Variants in NPAT observed in about 807,000 individuals in gnomAD.
The protein encoded by NPAT is nuclear protein, coactivator of histone transcription.
A neutral mutation model predicts 130.7 loss-of-function variants in NPAT; 52 were observed. That is an observed-to-expected ratio of 0.40 (90% CI 0.32 to 0.50). NPAT has a LOEUF of 0.50. NPAT is among the 20% of genes least tolerant of loss of function. NPAT has a pLI of 0.68. For synonymous variants in NPAT, 580 were observed against 584.8 expected (o/e 0.99, Z 0.12); for missense variants, 1,687 against 1,662.6 (o/e 1.01, Z -0.26).
intron 13 of NPAT, 65 bp downstream of exon 13, chr11:108,172,134 T>A (rs763517192): frequency 7.3e-7 from 1 of 1,377,690 alleles, no homozygotes. Flanking sequence ...GTCAATAACA[T>A]CACATACAAA....
intron 17 of NPAT, among the ~76,000 whole-genome samples, chr11:108,159,847 T>TAA (rs113946560): frequency 2.3e-5 from 3 of 132,250 alleles, no homozygotes; most frequent in East Asian, 4.4e-4. Context: ...ACTGTCTCTA[T>TAA]AAAAAAAAAA....
Position 108,158,577 on chromosome 11 carries a change from A to C in NPAT, c.*365T>G, listed in dbSNP as rs910922093. 1.2e-5 allele frequency: 2 copies of C among 171,536 alleles called. No individual in the cohort carries two copies. The highest frequency in any genetic ancestry group is 4.8e-5 in the African/African-American group (2 of 41,648). The allele number at this position is 171,536 out of a possible 1,614,324, so 10.6% of individuals were successfully genotyped here. On this transcript the variant is annotated 3_prime_UTR_variant, in exon 18 of 18. Transcript: ENST00000278612. ...AGTGAGAAACTATTCCAGATGAGTAAGTCTCAGAATTAGGGATCATAAGAA... is the reference window on the plus strand; with the variant it reads ...AGTGAGAAACTATTCCAGATGAGTACGTCTCAGAATTAGGGATCATAAGAA...
chr11:108,169,744 C>A lies in NPAT; in HGVS notation c.3010G>T (p.Gly1004Ter). Reference protein sequence around the residue: ...AQGLRNKPCIGKQVNNLVDSS... With the variant: ...AQGLRNKPCI ...ACATTAATGAAATTAAAAATGGTACCTATACAAGGCTTGTTTCTTAGTCCC... is the reference window on the plus strand; with the variant it reads ...ACATTAATGAAATTAAAAATGGTACATATACAAGGCTTGTTTCTTAGTCCC... Residue 1004 changes from glycine to a stop codon, truncating the protein, a stop_gained and splice_region_variant, in exon 15 of 18, where the codon GGA becomes TGA. Transcript: ENST00000278612. LOFTEE classifies it high-confidence loss of function. 6.3e-7 allele frequency: 1 copy of A among 1,587,036 alleles called. No homozygotes were observed. The highest frequency in any genetic ancestry group is 8.7e-7 in the Non-Finnish European group (1 of 1,155,344).
At chr11:108,216,999 T>C (rs905388902) in intron 1 of NPAT, among the ~76,000 whole-genome samples, 1 of 152,350 alleles carries the variant, frequency 6.6e-6, no homozygotes, top group South Asian at 2.1e-4. Flanking sequence ...GTTTTTGTTA[T>C]ACTGCTGATG....
chr11:108,199,529 T>C (rs561669879), intron 1 of NPAT, among the ~76,000 whole-genome samples: 1 of 152,280 alleles, frequency 6.6e-6, no homozygotes, highest in South Asian at 2.1e-4. Context: ...GTGGACCTCT[T>C]ACACTTTCAT....
Position 108,163,468 on chromosome 11 carries a change from G to C in NPAT, c.3011-1288C>G, listed in dbSNP as rs193131628. On this transcript the variant is annotated intron_variant, in intron 15 of 17. Coordinates refer to ENST00000278612, the MANE Select transcript of NPAT (RefSeq NM_002519.3). ...ATAATGTGGAAGATGGAACTGAGAA[G>C]ACAGAAAACTGGAAGTAGAAACTCT... Among the ~76,000 whole-genome samples, 4 of 152,262 alleles carry C rather than the reference G, an allele frequency of 2.6e-5. No individual in the cohort carries two copies. In the East Asian group the frequency reaches 7.7e-4, roughly 29 times the overall value.
chr11:108,172,235 C>T lies in NPAT; in HGVS notation c.2749G>A (p.Ala917Thr), dbSNP rs368777931. 8 of 1,613,886 alleles carry T rather than the reference C, an allele frequency of 5.0e-6. No homozygotes were observed. In the African/African-American group the frequency reaches 1.1e-4, roughly 22 times the overall value. The change falls in exon 13 of 18, where the codon GCT becomes ACT. Residue 917 changes from alanine (A) to threonine (T), a missense_variant. By Grantham distance (58) the Ala-to-Thr change is moderately conservative. Coordinates refer to ENST00000278612, the MANE Select transcript of NPAT (RefSeq NM_002519.3). ...TTTGGTGACACAGCTTGGTTGACAG[C>T]AAATACACTGTTTGACCTTGGTGGT... ...QTPPRSNSVF[A>T]VNQAVSPNFS...
chr11:108,217,488 T>C (rs2078444905), intron 1 of NPAT, among the ~76,000 whole-genome samples: 1 of 152,200 alleles, frequency 6.6e-6, no homozygotes, highest in African/African-American at 2.4e-5. Context: ...TTTGATTATA[T>C]ATCATTTTGC....
chr11:108,158,710 T>A lies in NPAT; in HGVS notation c.*232A>T. 2.9e-5 allele frequency: 13 copies of A among 453,284 alleles called. No individual in the cohort carries two copies. In the South Asian group the frequency reaches 2.9e-4, roughly 10 times the overall value. The allele number at this position is 453,284 out of a possible 1,614,324, so 28.1% of individuals were successfully genotyped here. On this transcript the variant is annotated 3_prime_UTR_variant, in exon 18 of 18. Transcript: ENST00000278612. Reference sequence around the variant, plus strand: ...GTCAAAGCTATACAGTTTTGCAGATTGGCTTTACTTACATTTCTGCAAACG... The same window carrying A: ...GTCAAAGCTATACAGTTTTGCAGATAGGCTTTACTTACATTTCTGCAAACG...
At chr11:108,219,119 T>C (rs1219209989) in intron 1 of NPAT, among the ~76,000 whole-genome samples, 2 of 152,148 alleles carry the variant, frequency 1.3e-5, no homozygotes, top group African/African-American at 2.4e-5. Context: ...ATATAGGCAA[T>C]GTTCCCCAAG....
At chr11:108,190,024 T>C (rs1420299344) in intron 5 of NPAT, among the ~76,000 whole-genome samples, 1 of 148,508 alleles carries the variant, frequency 6.7e-6, no homozygotes, top group Non-Finnish European at 1.5e-5. Context: ...AGAAAAACGG[T>C]AGTTTGGCCA....
intron 10 of NPAT, among the ~76,000 whole-genome samples, chr11:108,184,220 C>T (rs903924178): frequency 6.6e-6 from 1 of 152,036 alleles, no homozygotes; most frequent in Non-Finnish European, 1.5e-5. Context: ...CACCTGTAAT[C>T]GAGCACTTTG....
chr11:108,193,788 C>T (rs1271090519), intron 3 of NPAT, among the ~76,000 whole-genome samples, 169 bp downstream of exon 3: 2 of 151,904 alleles, frequency 1.3e-5, no homozygotes, highest in Non-Finnish European at 2.9e-5. Flanking sequence ...AAAACCAAAA[C>T]CCACAAACAA....
At chr11:108,202,244 T>C (rs2078281785) in intron 1 of NPAT, among the ~76,000 whole-genome samples, 1 of 152,112 alleles carries the variant, frequency 6.6e-6, no homozygotes, top group Non-Finnish European at 1.5e-5. Context: ...ATCCTCAGTT[T>C]TCCTTCCATG....
chr11:108,161,623 T>C lies in NPAT; in HGVS notation c.3463A>G (p.Ile1155Val), dbSNP rs758286040. The C allele has an allele frequency of 1.9e-5, 31 of 1,614,026 alleles. No individual in the cohort carries two copies. Among genetic ancestry groups the C allele is most frequent in the Non-Finnish European group, 2.5e-5 (29 of 1,180,044 alleles). ...QSEKKVSPTE[I>V]VLESFHKATA... ...GCTTTATGGAAAGATTCAAGCACAA[T>C]TTCTGTTGGTGAAACTTTCTTTTCT... Residue 1155 changes from isoleucine to valine, a missense_variant, in exon 17 of 18, where the codon ATT (isoleucine) becomes GTT (valine). By Grantham distance (29) the Ile-to-Val change is conservative. Transcript: ENST00000278612.
At chr11:108,193,025 T>C (rs2078186294) in intron 3 of NPAT, among the ~76,000 whole-genome samples, 1 of 152,222 alleles carries the variant, frequency 6.6e-6, no homozygotes, top group Admixed American at 6.5e-5. Flanking sequence ...ACAATGCTTA[T>C]ACACAGACAA....
intron 15 of NPAT, among the ~76,000 whole-genome samples, chr11:108,164,203 G>A (rs966243373): frequency 2.6e-5 from 4 of 152,214 alleles, no homozygotes; most frequent in African/African-American, 9.6e-5. Context: ...TGTTGTGCAA[G>A]ACTGGAATAG....
chr11:108,190,496 T>C lies in NPAT; in HGVS notation c.295A>G (p.Met99Val), dbSNP rs748925664. 9 of 1,613,782 alleles carry C rather than the reference T, an allele frequency of 5.6e-6. No individual in the cohort carries two copies. Among genetic ancestry groups the C allele is most frequent in the Non-Finnish European group, 7.6e-6 (9 of 1,179,692 alleles). The change falls in exon 5 of 18, where the codon ATG becomes GTG. Residue 99 changes from methionine (M) to valine (V), a missense_variant. By Grantham distance (21) the Met-to-Val change is conservative. Coordinates refer to ENST00000278612, the MANE Select transcript of NPAT (RefSeq NM_002519.3). ...CCAGCAAACCTTGGGGAACTTTGCA[T>C]GCTCCTAACAAAGAAAACAAAGTAG... ...LDHTLSQIRS[M>V]QSSPRFAGSQ...
chr11:108,174,251 C>G (rs542174762), intron 12 of NPAT, among the ~76,000 whole-genome samples: 50 of 152,206 alleles, frequency 3.3e-4, no homozygotes, highest in Non-Finnish European at 5.9e-4. Context: ...GCTGGGATCA[C>G]AGGCATGAGC....
Sources: gnomAD v4.1 joint callset for allele counts (sites outside exome capture counted in the v4.1 genomes callset) on GRCh38, gnomAD v4.1.1 for gene constraint, MANE v1.5 for transcripts, NCBI Gene and HGNC (gene_info 2026-07-23, HGNC 2026-07-21) for gene names.